Variants in PDE1C observed in about 807,000 individuals in gnomAD.
PDE1C encodes phosphodiesterase 1C.
Under a neutral mutation model 93.1 loss-of-function variants are expected in PDE1C, and 62 were observed. The observed-to-expected ratio is 0.67, with a 90% CI of 0.54 to 0.82. The LOEUF is 0.82. PDE1C is among the 40% of genes least tolerant of loss of function. The probability of loss-of-function intolerance (pLI) is 0.00; values close to 1 mark genes in which losing one functional copy is unlikely to be tolerated. For missense variants in PDE1C, 742 were observed against 884.6 expected, an observed-to-expected ratio of 0.84 and a Z score of 2.04; for synonymous variants, 325 against 310.1, an observed-to-expected ratio of 1.05 and a Z score of -0.50.
intron 2 of PDE1C, among the ~76,000 whole-genome samples, chr7:31,981,057 C>A (rs1812304744): frequency 6.6e-6 from 1 of 152,128 alleles, no homozygotes; most frequent in South Asian, 2.1e-4. Flanking sequence ...CTGTGGAGAG[C>A]CATCATTTCA....
chr7:32,157,549 A>AG (rs1427358454), intron 3 of PDE1C, among the ~76,000 whole-genome samples: 1 of 40,412 alleles, frequency 2.5e-5, no homozygotes, highest in Non-Finnish European at 5.6e-5. Context: ...GGAGCCAGCC[A>AG]AAAAATATGG....
intron 2 of PDE1C, among the ~76,000 whole-genome samples, chr7:32,180,685 G>A (rs987934094): frequency 6.6e-6 from 1 of 152,150 alleles, no homozygotes; most frequent in African/African-American, 2.4e-5. Context: ...CCAGTCTCAG[G>A]TATTTTATTA....
intron 3 of PDE1C, among the ~76,000 whole-genome samples, chr7:32,118,360 A>G (rs950170514): frequency 3.9e-5 from 6 of 152,238 alleles, no homozygotes; most frequent in Non-Finnish European, 1.5e-5. Context: ...AGGTCCTTGC[A>G]TGATTCAGTA....
chr7:32,185,247 G>GAAAAAA (rs60570476), intron 2 of PDE1C, among the ~76,000 whole-genome samples: 1 of 101,580 alleles, frequency 9.8e-6, no homozygotes, highest in Admixed American at 1.2e-4. Flanking sequence ...CTCTGTCTCA[G>GAAAAAA]AAAAAAAAAA....
At chr7:31,644,142 C>T in the PDE1C span, among the ~76,000 whole-genome samples, 1 of 152,170 alleles carries the variant, frequency 6.6e-6, no homozygotes, top group Non-Finnish European at 1.5e-5. Context: ...TCGATACTTC[C>T]AATCAATCAC....
intron 6 of PDE1C, 137 bp downstream of exon 6, chr7:31,873,155 G>T: frequency 1.7e-6 from 1 of 601,822 alleles, no homozygotes; most frequent in Non-Finnish European, 2.9e-6. Flanking sequence ...CACAGCAGTG[G>T]CTATCCGAAG....
the PDE1C span, among the ~76,000 whole-genome samples, chr7:31,726,128 G>A: frequency 3.0e-4 from 46 of 152,284 alleles, 1 homozygote; most frequent in East Asian, 7.3e-3. Context: ...GCGTCCACTG[G>A]AATGATCATA....
intron 14 of PDE1C, among the ~76,000 whole-genome samples, chr7:31,819,681 A>G (rs1788716116): frequency 6.6e-6 from 1 of 152,144 alleles, no homozygotes; most frequent in South Asian, 2.1e-4. Flanking sequence ...GTGGAGAGCC[A>G]GTTCTACCCC....
At position 32,000,317 on chromosome 7, in the gene PDE1C, T is replaced by C. The variant is rs907991006; in HGVS notation, c.128+51237A>G. ...AGAATGGTTGGTGGCATCTGGCGCA[T>C]AGTGAGAACTCAAGACAAGTAGGCT... On this transcript the variant is annotated intron_variant, in intron 2 of 17. Coordinates refer to ENST00000396191, the MANE Select transcript of PDE1C (RefSeq NM_001191057.4). Among the ~76,000 whole-genome samples, 4 of 152,140 alleles carry C rather than the reference T, an allele frequency of 2.6e-5. No homozygotes were observed. In the South Asian group the frequency reaches 8.3e-4, roughly 32 times the overall value.
At chr7:31,957,006 T>C (rs897229689) in intron 2 of PDE1C, among the ~76,000 whole-genome samples, 13 of 151,646 alleles carry the variant, frequency 8.6e-5, no homozygotes, top group Non-Finnish European at 1.8e-4. Flanking sequence ...TCTAAACATA[T>C]GCAAACACCA....
At chr7:31,888,997 G>C (rs1023454231) in intron 2 of PDE1C, among the ~76,000 whole-genome samples, 2 of 152,122 alleles carry the variant, frequency 1.3e-5, no homozygotes, top group African/African-American at 4.8e-5. Context: ...AGATATTATT[G>C]AGAGAAGTTT....
chr7:32,345,872 A>G (rs1363798764), intron 1 of PDE1C, among the ~76,000 whole-genome samples: 1 of 152,220 alleles, frequency 6.6e-6, no homozygotes, highest in Non-Finnish European at 1.5e-5. Context: ...ATGTGAAGAA[A>G]CCTTCATACA....
At chr7:31,941,725 C>A (rs1031481584) in intron 2 of PDE1C, 3 of 152,346 alleles carry the variant, frequency 2.0e-5, no homozygotes, top group African/African-American at 7.2e-5. Context: ...GGGAATCTGG[C>A]TTCTAATTTT....
chr7:31,618,790 GT>G, the PDE1C span, among the ~76,000 whole-genome samples: 4 of 152,192 alleles, frequency 2.6e-5, no homozygotes. Context: ...TGAAACCCAG[GT>G]TCCTCTGACT....
At chr7:31,645,984 G>A in the PDE1C span, among the ~76,000 whole-genome samples, 1 of 152,140 alleles carries the variant, frequency 6.6e-6, no homozygotes, top group Admixed American at 6.5e-5. Flanking sequence ...GACATTTTGA[G>A]AGGCCGTATG....
At chr7:31,780,803 TTGTGTG>T (rs55970947) in intron 16 of PDE1C, among the ~76,000 whole-genome samples, 8,848 of 149,584 alleles carry the variant, frequency 0.059, 275 homozygotes, top group Middle Eastern at 0.099. Context: ...ACGTGTGCAT[TTGTGTG>T]TGTGTGTGTG....
chr7:32,118,133 T>C lies in PDE1C; in HGVS notation c.308+51652A>G, dbSNP rs573128504. 8.6e-5 allele frequency among the ~76,000 whole-genome samples: 13 copies of C among 151,146 alleles called. 1 individual carries two copies. In the South Asian group the frequency reaches 2.5e-3, roughly 29 times the overall value. Reference sequence around the variant, plus strand: ...TGGGGAAAAAGGGCTAAGGAGAGAGTGGAGGGTTACATGGCATCGCCATGG... The same window carrying C: ...TGGGGAAAAAGGGCTAAGGAGAGAGCGGAGGGTTACATGGCATCGCCATGG... On this transcript the variant is annotated intron_variant, in intron 3 of 18. Transcript: ENST00000396193.
At chr7:32,423,427 G>T (rs1296078066) in intron 1 of PDE1C, among the ~76,000 whole-genome samples, 1 of 152,194 alleles carries the variant, frequency 6.6e-6, no homozygotes, top group Non-Finnish European at 1.5e-5. Flanking sequence ...CAGGTTGCTT[G>T]TCAGACTTAC....
chr7:32,145,817 A>G (rs1053807196), intron 3 of PDE1C, among the ~76,000 whole-genome samples: 12 of 152,140 alleles, frequency 7.9e-5, no homozygotes, highest in Non-Finnish European at 1.6e-4. Flanking sequence ...CCCAATTCAT[A>G]AAGCACACAA....
Sources: allele counts gnomAD v4.1 joint callset (sites outside exome capture counted in the v4.1 genomes callset), GRCh38; gene constraint gnomAD v4.1.1; transcripts MANE v1.5; gene names NCBI Gene and HGNC (gene_info 2026-07-23, HGNC 2026-07-21).